Variants in DLGAP4 observed in about 807,000 individuals in gnomAD.
DLGAP4 encodes disks large-associated protein 4.
DLGAP4 carries 18 observed loss-of-function variants against 86.9 expected under a neutral mutation model. That is an observed-to-expected ratio of 0.21 (90% confidence interval 0.14 to 0.31). DLGAP4 has a LOEUF of 0.31. Among genes scored for constraint, DLGAP4 ranks in the 10% least tolerant of loss-of-function variants. DLGAP4 has a pLI of 1.00. For synonymous variants in DLGAP4, 548 were observed against 574.3 expected (o/e 0.95, Z 0.65); for missense variants, 1,085 against 1,362.6 (o/e 0.80, Z 3.21).
chr20:36,428,321 G>A (rs971816133), intron 2 of DLGAP4, among the ~76,000 whole-genome samples: 7 of 152,220 alleles, frequency 4.6e-5, no homozygotes, highest in Non-Finnish European at 1.0e-4. Flanking sequence ...GTGCTCTGTG[G>A]CCCAGTGGCT....
intron 7 of DLGAP4, among the ~76,000 whole-genome samples, chr20:36,467,050 CTCTCT>C (rs2034429284): frequency 7.4e-6 from 1 of 134,566 alleles, no homozygotes; most frequent in Non-Finnish European, 1.5e-5. Flanking sequence ...CTCTCTCTCT[CTCTCT>C]CTCTCTCTCC....
chr20:36,324,968 G>T (rs1555890910), intron 1 of DLGAP4, among the ~76,000 whole-genome samples: 5 of 151,650 alleles, frequency 3.3e-5, no homozygotes, highest in African/African-American at 1.2e-4. Flanking sequence ...CTGTTCTGAT[G>T]CTATTTTCTT....
At chr20:36,466,272 C>A (rs2034347638) in intron 7 of DLGAP4, among the ~76,000 whole-genome samples, 1 of 152,160 alleles carries the variant, frequency 6.6e-6, no homozygotes, top group African/African-American at 2.4e-5. Context: ...GCTTTCTGTA[C>A]CTCCGTTTTC....
chr20:36,386,958 G>A (rs1040709132), intron 2 of DLGAP4, among the ~76,000 whole-genome samples: 4 of 151,982 alleles, frequency 2.6e-5, no homozygotes, highest in African/African-American at 7.3e-5. Flanking sequence ...TTTTTCTGCC[G>A]AATAGTATTC....
intron 7 of DLGAP4, among the ~76,000 whole-genome samples, chr20:36,466,997 GTCTCTC>G (rs550402174): frequency 2.1e-4 from 8 of 38,684 alleles, no homozygotes; most frequent in South Asian, 7.1e-4. Context: ...CTCTGTCTCT[GTCTCTC>G]TCTCTCTCTC....
intron 2 of DLGAP4, among the ~76,000 whole-genome samples, chr20:36,426,229 G>A (rs1233489347): frequency 1.3e-5 from 2 of 152,200 alleles, no homozygotes; most frequent in East Asian, 1.9e-4. Context: ...AATATTACTA[G>A]GGGCCGCCAG....
intron 7 of DLGAP4, among the ~76,000 whole-genome samples, chr20:36,476,883 G>A (rs991165533): frequency 1.6e-4 from 24 of 150,730 alleles, no homozygotes; most frequent in Non-Finnish European, 1.2e-4. Context: ...AATAGAGACT[G>A]GGTTTCTCCA....
At chr20:36,493,774 A>G (rs2035768118) in intron 7 of DLGAP4, among the ~76,000 whole-genome samples, 1 of 152,236 alleles carries the variant, frequency 6.6e-6, no homozygotes. Flanking sequence ...AGCAAGTTGT[A>G]TAACCTTCCT....
intron 8 of DLGAP4, chr20:36,499,306 T>G: frequency 6.2e-7 from 1 of 1,613,890 alleles, no homozygotes; most frequent in South Asian, 1.1e-5. Flanking sequence ...ATCGATGTGA[T>G]GGCACCCTCC....
intron 6 of DLGAP4, among the ~76,000 whole-genome samples, chr20:36,443,477 T>C (rs1273637021): frequency 1.3e-5 from 2 of 152,160 alleles, no homozygotes; most frequent in Non-Finnish European, 2.9e-5. Context: ...GGGGCAAAAC[T>C]AGGACCAGAC....
chr20:36,467,064 C>CTCTCTCTCCCCCCCTCTCT (rs1555907464), intron 7 of DLGAP4, among the ~76,000 whole-genome samples: 1 of 118,144 alleles, frequency 8.5e-6, no homozygotes, highest in African/African-American at 4.9e-5. Context: ...CTCTCTCTCT[C>CTCTCTCTCCCCCCCTCTCT]CCCCCCCCTT....
chr20:36,448,883 A>C (rs1419664065), intron 7 of DLGAP4, among the ~76,000 whole-genome samples: 1 of 152,122 alleles, frequency 6.6e-6, no homozygotes, highest in Non-Finnish European at 1.5e-5. Context: ...GCAATGAGCC[A>C]AGATTGAGCC....
intron 3 of DLGAP4, among the ~76,000 whole-genome samples, chr20:36,435,136 G>A (rs761565670): frequency 3.3e-5 from 5 of 151,994 alleles, no homozygotes; most frequent in Non-Finnish European, 5.9e-5. Flanking sequence ...GAGGTGTGTG[G>A]TACACTGGGG....
intron 7 of DLGAP4, among the ~76,000 whole-genome samples, chr20:36,459,426 G>T (rs141387491): frequency 5.9e-5 from 9 of 152,070 alleles, no homozygotes; most frequent in African/African-American, 2.2e-4. Context: ...ACCCAAATTG[G>T]AGTGCCGTGG....
Position 36,496,428 on chromosome 20 carries a change from A to C in DLGAP4, c.1649-277A>C, listed in dbSNP as rs541351037. Among the ~76,000 whole-genome samples, 43 of 152,284 alleles carry C rather than the reference A, an allele frequency of 2.8e-4. 1 individual carries two copies. Among genetic ancestry groups the C allele is most frequent in the Middle Eastern group, 6.8e-3 (2 of 294 alleles). On this transcript the variant is annotated intron_variant, in intron 7 of 12. Coordinates refer to ENST00000339266, the MANE Select transcript of DLGAP4 (RefSeq NM_001365621.2). ...TAGTACATGCCCCTGCTGGATAATAAGGTTTGTGTGTGACTGATGTGGGGG... is the reference window on the plus strand; with the variant it reads ...TAGTACATGCCCCTGCTGGATAATACGGTTTGTGTGTGACTGATGTGGGGG...
At chr20:36,327,118 G>A (rs1344409884) in intron 1 of DLGAP4, among the ~76,000 whole-genome samples, 1 of 148,822 alleles carries the variant, frequency 6.7e-6, no homozygotes, top group East Asian at 2.0e-4. Flanking sequence ...TCCTACCTCA[G>A]CCTCCCGAGT....
At chr20:36,443,039 C>T (rs576023075) in intron 6 of DLGAP4, among the ~76,000 whole-genome samples, 86 of 152,308 alleles carry the variant, frequency 5.6e-4, no homozygotes, top group Non-Finnish European at 9.4e-4. Context: ...CTGGATGGGG[C>T]AAGAAACAAC....
At chr20:36,337,426 G>A (rs1555892188) in intron 1 of DLGAP4, among the ~76,000 whole-genome samples, 1 of 152,130 alleles carries the variant, frequency 6.6e-6, no homozygotes, top group African/African-American at 2.4e-5. Flanking sequence ...AGGATGAGTG[G>A]GCATTCCAAG....
At chr20:36,331,743 G>A (rs900972105) in intron 1 of DLGAP4, among the ~76,000 whole-genome samples, 1 of 152,200 alleles carries the variant, frequency 6.6e-6, no homozygotes, top group Non-Finnish European at 1.5e-5. Flanking sequence ...CTCAACAAAA[G>A]TAAAATAATT....
Sources: allele counts gnomAD v4.1 joint callset (sites outside exome capture counted in the v4.1 genomes callset), GRCh38; gene constraint gnomAD v4.1.1; transcripts MANE v1.5; gene names NCBI Gene and HGNC (gene_info 2026-07-23, HGNC 2026-07-21).